DSCAM: variants seen among roughly 807,000 people sequenced by gnomAD.
The protein encoded by DSCAM is DS cell adhesion molecule.
A neutral mutation model predicts 217.7 loss-of-function variants in DSCAM; 47 were observed. That is an observed-to-expected ratio of 0.22 (90% confidence interval 0.17 to 0.28). DSCAM has a LOEUF of 0.28. Among genes scored for constraint, DSCAM ranks in the 10% least tolerant of loss-of-function variants. The pLI is 1.00. For synonymous variants in DSCAM, 1,056 were observed against 1,015.3 expected, an observed-to-expected ratio of 1.04 and a Z score of -0.76; for missense variants, 2,080 against 2,618.3, an observed-to-expected ratio of 0.79 and a Z score of 4.49.
In DSCAM at chr21:40,138,569, C is replaced by T. The variant is rs117559907; in HGVS notation, c.3406+3989G>A. 4.8e-3 allele frequency among the ~76,000 whole-genome samples: 486 copies of T among 101,342 alleles called. 2 individuals carry two copies. The highest frequency in any genetic ancestry group is 6.8e-3 in the Non-Finnish European group (358 of 52,340). 66.5% of individuals were successfully genotyped at this position (101,342 alleles called of 152,430 possible). On this transcript the variant is annotated intron_variant, in intron 18 of 32. Coordinates refer to ENST00000400454, the MANE Select transcript of DSCAM (RefSeq NM_001389.5). ...GTGTATGTGTGGTGTGTGACATATA[C>T]GGGGTGTGTGTGGTGTGGTATGTGG...
At position 40,356,163 on chromosome 21, in the gene DSCAM, T is replaced by G. The variant is rs140584063; in HGVS notation, c.656-2420A>C. ...ATATACCCAGAGTGGGATTGCTAGA[T>G]CATATGGTAGGTAAAAGGGTACAAA... On this transcript the variant is annotated intron_variant, in intron 4 of 32. Transcript: ENST00000400454. Among the ~76,000 whole-genome samples, 1,023 of 152,216 alleles carry G rather than the reference T, an allele frequency of 6.7e-3. 17 individuals are homozygous for G. Among genetic ancestry groups the G allele is most frequent in the African/African-American group, 0.023 (970 of 41,526 alleles).
intron 1 of DSCAM, among the ~76,000 whole-genome samples, chr21:40,840,754 G>C (rs1255529638): frequency 6.6e-6 from 1 of 152,150 alleles, no homozygotes; most frequent in African/African-American, 2.4e-5. Context: ...GAGTCCAGTG[G>C]TTTAGTCAGA....
intron 1 of DSCAM, among the ~76,000 whole-genome samples, chr21:40,835,866 G>A (rs1156794099): frequency 1.3e-5 from 2 of 152,164 alleles, no homozygotes; most frequent in African/African-American, 4.8e-5. Flanking sequence ...ATGCACATAT[G>A]CCCTTATATG....
chr21:40,477,992 C>A (rs1039612751), intron 3 of DSCAM, among the ~76,000 whole-genome samples: 3 of 152,118 alleles, frequency 2.0e-5, no homozygotes, highest in Non-Finnish European at 4.4e-5. Context: ...GCCCCACCCC[C>A]CATGCTTCTT....
At chr21:40,266,837 A>C (rs1029588694) in intron 11 of DSCAM, among the ~76,000 whole-genome samples, 2 of 145,364 alleles carry the variant, frequency 1.4e-5, no homozygotes, top group African/African-American at 5.1e-5. Flanking sequence ...GTGAAGTACT[A>C]CTAAGCCATA....
intron 3 of DSCAM, among the ~76,000 whole-genome samples, chr21:40,376,054 A>AT (rs1733439294): frequency 6.6e-6 from 1 of 152,098 alleles, no homozygotes; most frequent in Non-Finnish European, 1.5e-5. Context: ...AGCATATGTC[A>AT]TTTTTCACTT....
chr21:40,083,293 G>A (rs1314295675), intron 24 of DSCAM, among the ~76,000 whole-genome samples: 1 of 152,230 alleles, frequency 6.6e-6, no homozygotes, highest in Non-Finnish European at 1.5e-5. Flanking sequence ...ACTGGGAGCA[G>A]TGGTGTGTGT....
At chr21:40,084,501 A>AAC (rs145863686) in intron 23 of DSCAM, among the ~76,000 whole-genome samples, 7,033 of 137,222 alleles carry the variant, frequency 0.051, 186 homozygotes, top group East Asian at 0.078. Flanking sequence ...TCCAAGATGC[A>AAC]ACACACACAC....
chr21:40,320,664 C>T (rs1482796762), intron 8 of DSCAM, among the ~76,000 whole-genome samples: 1 of 152,266 alleles, frequency 6.6e-6, no homozygotes, highest in East Asian at 1.9e-4. Context: ...AGAAGCAAGT[C>T]CCACCTTACA....
In DSCAM at chr21:40,692,846, C is replaced by T. The variant is rs778085708; in HGVS notation, c.472G>A (p.Val158Ile). 23 of 1,613,876 alleles carry T rather than the reference C, an allele frequency of 1.4e-5. No homozygotes were observed. The highest frequency in any genetic ancestry group is 1.8e-5 in the Non-Finnish European group (21 of 1,179,840). The change falls in exon 3 of 33, where the codon GTC (valine) becomes ATC (isoleucine). Residue 158 changes from valine (V) to isoleucine (I), a missense_variant. Physicochemically the swap from Val to Ile is conservative, Grantham distance 29 (BLOSUM62 3). Transcript: ENST00000400454. ...GAAACAGTGTCTTTCTCCCATGAGA[C>T]GACAGTGATGTACGCCTCCACCGAG... ...PSSVEAYITVVSWEKDTVSLV... is the reference protein window; with the variant it reads ...PSSVEAYITVISWEKDTVSLV...
intron 3 of DSCAM, among the ~76,000 whole-genome samples, chr21:40,517,434 CACAG>C (rs887287513): frequency 1.1e-4 from 16 of 139,278 alleles, no homozygotes; most frequent in Admixed American, 2.9e-4. Flanking sequence ...CACACACACA[CACAG>C]ACACGCATAT....
intron 3 of DSCAM, among the ~76,000 whole-genome samples, chr21:40,410,607 A>G (rs996900228): frequency 1.3e-5 from 2 of 152,080 alleles, no homozygotes; most frequent in African/African-American, 4.8e-5. Context: ...AAAGCCAGTC[A>G]TGAAGAAAAA....
At chr21:40,332,565 G>A (rs1035590546) in intron 8 of DSCAM, among the ~76,000 whole-genome samples, 11 of 152,052 alleles carry the variant, frequency 7.2e-5, no homozygotes, top group South Asian at 2.1e-4. Flanking sequence ...ATTAGAACAC[G>A]CAATTAAGCA....
At chr21:40,653,403 A>G (rs2090038258) in intron 3 of DSCAM, among the ~76,000 whole-genome samples, 1 of 152,152 alleles carries the variant, frequency 6.6e-6, no homozygotes, top group South Asian at 2.1e-4. Context: ...ACAGCCAGGC[A>G]TTTTCAGGGT....
intron 3 of DSCAM, among the ~76,000 whole-genome samples, chr21:40,393,383 G>C (rs528149893): frequency 6.6e-6 from 1 of 152,276 alleles, no homozygotes; most frequent in Admixed American, 6.5e-5. Flanking sequence ...CATGTTCCCA[G>C]CCCTTTTGTG....
chr21:40,598,407 A>C (rs754229473), intron 3 of DSCAM, among the ~76,000 whole-genome samples: 1 of 151,470 alleles, frequency 6.6e-6, no homozygotes, highest in Non-Finnish European at 1.5e-5. Flanking sequence ...CGGGGAAATA[A>C]GTTTTCAAAT....
rs1307663819 is a variant in DSCAM, at chr21:40,288,523, T to C, written c.2182+7532A>G. Among the ~76,000 whole-genome samples, 6 of 152,242 alleles carry C rather than the reference T, an allele frequency of 3.9e-5. No homozygotes were observed. The East Asian group carries it at 9.7e-4, about 25-fold the overall frequency. On this transcript the variant is annotated intron_variant, in intron 10 of 32. Transcript: ENST00000400454. ...AAGGGGAGTATTGTCAAAACAGACA[T>C]TAAAATAGAAGGAGATAAACTTCTA...
intron 1 of DSCAM, among the ~76,000 whole-genome samples, chr21:40,753,191 T>G (rs1224513406): frequency 6.6e-6 from 1 of 152,210 alleles, no homozygotes; most frequent in East Asian, 1.9e-4. Context: ...AGAGAGTATC[T>G]GCAAGGATTC....
chr21:40,044,361 C>G, intron 30 of DSCAM, 86 bp from the exon 31 acceptor site: 2 of 1,379,964 alleles, frequency 1.4e-6, no homozygotes, highest in South Asian at 2.7e-5. Flanking sequence ...GCCACCCACC[C>G]AGCACTGCCG....
Sources: gnomAD v4.1 joint callset for allele counts (sites outside exome capture counted in the v4.1 genomes callset) on GRCh38, gnomAD v4.1.1 for gene constraint, MANE v1.5 for transcripts, NCBI Gene and HGNC (gene_info 2026-07-23, HGNC 2026-07-21) for gene names.